RAB36: variants seen among roughly 807,000 people sequenced by gnomAD.
RAB36 encodes the protein RAB36, member RAS oncogene family.
In RAB36, 33 loss-of-function variants were observed where a neutral mutation model predicts 39.3. The ratio of observed to expected loss-of-function variants is 0.84; its 90% CI spans 0.64 to 1.12. The LOEUF is 1.12. Ranked by LOEUF, RAB36 falls within the 50% of genes most tolerant of loss-of-function variation. RAB36 has a pLI of 0.00. For missense variants in RAB36, 308 were observed against 355.3 expected, an observed-to-expected ratio of 0.87 and a Z score of 1.07; for synonymous variants, 133 against 140.2, an observed-to-expected ratio of 0.95 and a Z score of 0.36.
At chr22:23,149,348 C>T (rs2070974122) in intron 2 of RAB36, among the ~76,000 whole-genome samples, 2 of 152,234 alleles carry the variant, frequency 1.3e-5, no homozygotes, top group African/African-American at 2.4e-5. Context: ...TGTTTAATCT[C>T]ATTTTTTTCT....
rs1012356104 is a variant in RAB36 at position 23,161,625 on chromosome 22, T to C, written c.*61T>C. On this transcript the variant is annotated 3_prime_UTR_variant, in exon 11 of 11. Coordinates refer to ENST00000263116, the MANE Select transcript of RAB36 (RefSeq NM_004914.5). The stretch of plus-strand genomic sequence containing the variant: ...ACACACGGACAGGAATTTCCGTGAC[T>C]GTGGTGTGGAGACTGGAGCCCAAGC... 2.1e-6 allele frequency: 3 copies of C among 1,426,722 alleles called. No individual in the cohort carries two copies. The Admixed American group carries it at 5.6e-5, about 27-fold the overall frequency. 88.4% of individuals were successfully genotyped at this position (1,426,722 alleles called of 1,614,324 possible).
At position 23,148,617 on chromosome 22, in the gene RAB36, C is replaced by T. The variant is rs142788368; in HGVS notation, c.70-1446C>T. ...CAAGGCCACTGCTGGTCAAGTTCAT[C>T]CTGCACCCCAGGGCCCTGAGAAATT... On this transcript the variant is annotated intron_variant, in intron 2 of 10. Transcript: ENST00000263116. Among the ~76,000 whole-genome samples the T allele has an allele frequency of 7.9e-3, 1,196 of 152,330 alleles. 7 individuals carry two copies. The highest frequency in any genetic ancestry group is 0.012 in the Non-Finnish European group (798 of 68,018).
At chr22:23,154,102 C>G (rs1366637921) in intron 5 of RAB36, among the ~76,000 whole-genome samples, 4 of 152,074 alleles carry the variant, frequency 2.6e-5, no homozygotes, top group Non-Finnish European at 5.9e-5. Context: ...ACTCTCCCAC[C>G]CCTTACCCTC....
rs1196537769 is a variant in RAB36 at position 23,162,588 on chromosome 22, T to C, written c.*1024T>C. On this transcript the variant is annotated 3_prime_UTR_variant, in exon 11 of 11. Transcript: ENST00000263116. ...CCTGCACATGCAGAGCAGACAGAAA[T>C]ACCCCACACATTCCCCAGCCTCTCT... 4.4e-6 allele frequency: 2 copies of C among 453,528 alleles called. No individual in the cohort carries two copies. The highest frequency in any genetic ancestry group is 7.0e-5 in the East Asian group (1 of 14,316). The allele number at this position is 453,528 out of a possible 1,614,324, so 28.1% of individuals were successfully genotyped here. A position where few individuals can be genotyped will look rare whatever the true frequency, so the allele number is the denominator to read the frequency against.
intron 6 of RAB36, 22 bp from the exon 7 acceptor site, chr22:23,157,970 T>C (rs758355604): frequency 6.2e-7 from 1 of 1,613,996 alleles, no homozygotes; most frequent in African/African-American, 1.3e-5. Context: ...TGATTGGCTG[T>C]TGGCTTTTTC....
chr22:23,155,678 CTCAG>C (rs751693970), intron 5 of RAB36, among the ~76,000 whole-genome samples: 16 of 152,230 alleles, frequency 1.1e-4, no homozygotes, highest in Non-Finnish European at 2.1e-4. Flanking sequence ...ATTTTAATGT[CTCAG>C]TCAGAAGGGA....
Position 23,150,002 on chromosome 22 carries a change from G to A in RAB36, c.70-61G>A, listed in dbSNP as rs2071009894. 14 of 1,348,312 alleles carry A rather than the reference G, an allele frequency of 1.0e-5. 1 individual carries two copies. In the South Asian group the frequency reaches 1.7e-4, roughly 17 times the overall value. The allele number at this position is 1,348,312 out of a possible 1,614,324, so 83.5% of individuals were successfully genotyped here. On this transcript the variant is annotated intron_variant, in intron 2 of 10. Transcript: ENST00000263116. The stretch of plus-strand genomic sequence containing the variant: ...GAAGATCATCTCCCCTCACTGCTTG[G>A]CTACGAGGGCGGAGCCACAGCTTTG...
downstream of RAB36, among the ~76,000 whole-genome samples, chr22:23,166,443 G>A (rs539261626): frequency 5.3e-5 from 8 of 151,960 alleles, no homozygotes; most frequent in Admixed American, 2.6e-4. Context: ...TTTTTGTCCT[G>A]AGGCAAAGCA....
rs377223279 is a variant in RAB36, at chr22:23,159,172, G to C, written c.538G>C (p.Ala180Pro). Residue 180 changes from alanine to proline, a missense_variant, in exon 9 of 11, where the codon GCA (alanine) becomes CCA (proline). Physicochemically the swap from Ala to Pro is conservative, Grantham distance 27. Coordinates refer to ENST00000263116, the MANE Select transcript of RAB36 (RefSeq NM_004914.5). ...GGGCCATTTCTCCCAGTCAGGGGCC[G>C]CATGTGAGCAGGCCGAAGCAGACGC... The part of the protein sequence containing the change: ...GTKKDLLSGA[A>P]CEQAEADAVH... 4 of 1,610,906 alleles carry C rather than the reference G, an allele frequency of 2.5e-6. No individual in the cohort carries two copies. The highest frequency in any genetic ancestry group is 3.4e-6 in the Non-Finnish European group (4 of 1,178,896).
At chr22:23,145,854 G>C (rs948430167) in intron 1 of RAB36, 1 of 485,262 alleles carries the variant, frequency 2.1e-6, no homozygotes, top group Non-Finnish European at 2.7e-6. Context: ...TGTTGAGGAG[G>C]CTCGAGGAGT....
intron 6 of RAB36, chr22:23,156,301 C>G (rs1379760131): frequency 5.3e-6 from 2 of 377,718 alleles, no homozygotes; most frequent in South Asian, 2.6e-5. Context: ...TAAAGATGCT[C>G]AGAGATGAAA....
chr22:23,157,274 T>C (rs1030840872), intron 6 of RAB36, among the ~76,000 whole-genome samples: 5 of 151,482 alleles, frequency 3.3e-5, no homozygotes, highest in African/African-American at 9.7e-5. Context: ...TTTTTGAGCC[T>C]GAGTCTCGCT....
At chr22:23,158,525 C>T (rs2071588585) in intron 7 of RAB36, among the ~76,000 whole-genome samples, 1 of 152,210 alleles carries the variant, frequency 6.6e-6, no homozygotes, top group Non-Finnish European at 1.5e-5. Flanking sequence ...AGAGCAAAGC[C>T]CTCTCACCTT....
At chr22:23,156,147 C>CT in intron 6 of RAB36, 115 bp downstream of exon 6, 1 of 870,078 alleles carries the variant, frequency 1.1e-6, no homozygotes, top group Non-Finnish European at 1.8e-6. Flanking sequence ...TCCTCCAAGA[C>CT]CCACTGAGAA....
intron 3 of RAB36, 40 bp from the exon 4 acceptor site, chr22:23,152,421 G>A: frequency 6.2e-7 from 1 of 1,610,184 alleles, no homozygotes; most frequent in Non-Finnish European, 8.5e-7. Context: ...AGACACCCTG[G>A]AAGGCATGCC....
chr22:23,157,769 G>A (rs1434708388), intron 6 of RAB36, among the ~76,000 whole-genome samples: 1 of 152,142 alleles, frequency 6.6e-6, no homozygotes, highest in Admixed American at 6.5e-5. Context: ...TGCCTCCCTG[G>A]ATCCCACACT....
rs117530980 is a variant in RAB36 at position 23,148,921 on chromosome 22, A to G, written c.70-1142A>G. Among the ~76,000 whole-genome samples the G allele has an allele frequency of 4.9e-4, 74 of 152,350 alleles. 1 individual carries two copies. Among genetic ancestry groups the G allele is most frequent in the Middle Eastern group, 3.4e-3 (1 of 294 alleles). Reference sequence around the variant, plus strand: ...CTATCAGGCTAAGCTGCTCACCTGCATTATTCAGTTACTCCTCCAACGACC... The same window carrying G: ...CTATCAGGCTAAGCTGCTCACCTGCGTTATTCAGTTACTCCTCCAACGACC... On this transcript the variant is annotated intron_variant, in intron 2 of 10. Coordinates refer to ENST00000263116, the MANE Select transcript of RAB36 (RefSeq NM_004914.5).
downstream of RAB36, among the ~76,000 whole-genome samples, chr22:23,167,507 GCAGGATC>G (rs1450551497): frequency 2.0e-5 from 3 of 152,112 alleles, no homozygotes; most frequent in Admixed American, 2.0e-4. Flanking sequence ...GAGGAGGCCA[GCAGGATC>G]CATTCGACTC....
chr22:23,146,631 G>A lies in RAB36; in HGVS notation c.15G>A (p.Leu5=), dbSNP rs773453026. The change falls in exon 2 of 11, where the codon CTG becomes CTA. Residue 5 remains leucine (L), a synonymous_variant. Coordinates refer to ENST00000263116, the MANE Select transcript of RAB36 (RefSeq NM_004914.5). ...ACTGTGGAAGAATGAGGTCCTCCCT[G>A]ACACCTTTGGGGCCCCCTGTGAGCC... is the stretch of plus-strand genomic sequence containing the variant. MRSS[L]TPLGPPVSRD... 1.2e-6 allele frequency: 2 copies of A among 1,614,088 alleles called. No individual in the cohort carries two copies. Among genetic ancestry groups the A allele is most frequent in the South Asian group, 1.1e-5 (1 of 91,074 alleles).
Sources: gnomAD v4.1 joint callset for allele counts (sites outside exome capture counted in the v4.1 genomes callset) on GRCh38, gnomAD v4.1.1 for gene constraint, MANE v1.5 for transcripts, NCBI Gene and HGNC (gene_info 2026-07-23, HGNC 2026-07-21) for gene names.